Variants in MYO15A observed in about 807,000 individuals in gnomAD.
MYO15A encodes the protein unconventional myosin-XV.
In MYO15A, 308 loss-of-function variants were observed where a neutral mutation model predicts 394.6. That is an observed-to-expected ratio of 0.78 (90% CI 0.71 to 0.86). MYO15A has a LOEUF of 0.86. MYO15A is among the 40% of genes least tolerant of loss of function. MYO15A has a pLI of 0.00. For missense variants in MYO15A, 4,606 were observed against 4,799.1 expected, an observed-to-expected ratio of 0.96 and a Z score of 1.19; for synonymous variants, 1,957 against 2,003.8, an observed-to-expected ratio of 0.98 and a Z score of 0.62.
intron 42 of MYO15A, 71 bp downstream of exon 42, chr17:18,152,255 G>A: frequency 1.4e-6 from 2 of 1,447,270 alleles, no homozygotes; most frequent in Non-Finnish European, 1.9e-6. Context: ...ACAGGTGAGT[G>A]TGTCGGTGGA....
chr17:18,137,821 C>G, intron 16 of MYO15A, 142 bp downstream of exon 16: 1 of 1,059,616 alleles, frequency 9.4e-7, no homozygotes, highest in Non-Finnish European at 1.4e-6. Flanking sequence ...AAGCTGGGGA[C>G]CAGCCCATGG....
Position 18,155,117 on chromosome 17 carries a change from C to A in MYO15A, c.8232C>A (p.Asn2744Lys), listed in dbSNP as rs1461182796. Residue 2744 changes from asparagine to lysine, a missense_variant, in exon 46 of 66, where the codon AAC becomes AAA. Physicochemically the swap from Asn to Lys is moderately conservative, Grantham distance 94 (BLOSUM62 0). Around this residue, in one of 2 missense-constraint regions of MYO15A, gnomAD observed 2,776 missense variants for 3,109.3 expected, o/e 0.89. Transcript: ENST00000647165. ...RLRMKALFAQ[N>K]QLDTQKPLVT... ...AGACCTGGCCTCCCATAGCCCAGAA[C>A]CAGCTGGACACACAGAAGCCTCTGG... 1 of 1,613,414 alleles carries A rather than the reference C, an allele frequency of 6.2e-7. No individual in the cohort carries two copies. The highest frequency in any genetic ancestry group is 1.7e-5 in the Admixed American group (1 of 59,984).
intron 29 of MYO15A, among the ~76,000 whole-genome samples, chr17:18,145,313 CT>C (rs2046456327): frequency 6.6e-6 from 1 of 151,844 alleles, no homozygotes; most frequent in Non-Finnish European, 1.5e-5. Flanking sequence ...GGGGCTAGGG[CT>C]GCATGGGGAG....
rs1323641374 is a variant in MYO15A at position 18,121,106 on chromosome 17, C to T, written c.2306C>T (p.Ala769Val). The stretch of plus-strand genomic sequence containing the variant: ...TCTCCACGGGCGTCGCGGAGGCGAG[C>T]TTGGTCACCGCTGGCCTCGCCCCAG... ...GASPRASRRRAWSPLASPQPS... is the reference protein window; with the variant it reads ...GASPRASRRRVWSPLASPQPS... Residue 769 changes from alanine (A) to valine (V), a missense_variant, in exon 2 of 66, where the codon GCT becomes GTT. Around this residue, in one of 2 missense-constraint regions of MYO15A, gnomAD observed 1,830 missense variants for 1,689.7 expected, o/e 1.08. Coordinates refer to ENST00000647165, the MANE Select transcript of MYO15A (RefSeq NM_016239.4). The surrounding 1 kb of genome is among the most constrained non-coding windows in gnomAD (Gnocchi z 5.3). 1 of 1,503,938 alleles carries T rather than the reference C, an allele frequency of 6.6e-7. No homozygotes were observed. The highest frequency in any genetic ancestry group is 2.1e-5 in the Admixed American group (1 of 48,680). The allele number at this position is 1,503,938 out of a possible 1,614,324, so 93.2% of individuals were successfully genotyped here.
At chr17:18,135,850 G>A (rs765544628) in intron 13 of MYO15A, 26 bp downstream of exon 13, 52 of 1,598,194 alleles carry the variant, frequency 3.3e-5, no homozygotes, top group Non-Finnish European at 3.8e-5. Flanking sequence ...TCTGGCCTTC[G>A]AACAAAGCTT....
chr17:18,126,281 T>C, intron 4 of MYO15A, 66 bp from the exon 5 acceptor site: 3 of 1,277,756 alleles, frequency 2.3e-6, no homozygotes, highest in African/African-American at 1.5e-5. Flanking sequence ...GCTCCCAGCA[T>C]AGGGGAGGGA....
At chr17:18,136,765 C>T (rs1432296355) in intron 15 of MYO15A, 79 bp downstream of exon 15, 4 of 1,517,584 alleles carry the variant, frequency 2.6e-6, no homozygotes, top group Non-Finnish European at 2.7e-6. Context: ...GCTGCCCTTC[C>T]CATCCCTTTC....
chr17:18,172,322 C>A (rs1163209625), intron 64 of MYO15A, 32 bp downstream of exon 64: 2 of 1,613,996 alleles, frequency 1.2e-6, no homozygotes, highest in Non-Finnish European at 1.7e-6. Context: ...CTGCCATCGC[C>A]ACCCTCTGTT....
intron 22 of MYO15A, 131 bp from the exon 23 acceptor site, chr17:18,141,522 A>G: frequency 1.1e-6 from 1 of 890,552 alleles, no homozygotes; most frequent in Admixed American, 1.8e-5. Flanking sequence ...TTCAGATTAG[A>G]ATAAACTATT....
chr17:18,144,648 G>A, intron 29 of MYO15A, 56 bp downstream of exon 29: 1 of 1,552,230 alleles, frequency 6.4e-7, no homozygotes, highest in Non-Finnish European at 8.8e-7. Context: ...CCTGAAACTG[G>A]GCCATGAGGC....
At position 18,120,667 on chromosome 17, in the gene MYO15A, G is replaced by A. The variant is rs1350627694; in HGVS notation, c.1867G>A (p.Gly623Ser). The change falls in exon 2 of 66, where the codon GGC becomes AGC. Residue 623 changes from glycine (G) to serine (S), a missense_variant. Transcript: ENST00000647165. ...KLAGMDPEKPGTPIVLRRAQP... is the reference protein window; with the variant it reads ...KLAGMDPEKPSTPIVLRRAQP... ...GGCTGGCATGGACCCCGAGAAGCCCGGCACGCCCATCGTGCTGAGGAGGGC... is the reference window on the plus strand; with the variant it reads ...GGCTGGCATGGACCCCGAGAAGCCCAGCACGCCCATCGTGCTGAGGAGGGC... 3.3e-5 allele frequency: 52 copies of A among 1,586,108 alleles called. No individual in the cohort carries two copies. The highest frequency in any genetic ancestry group is 4.2e-5 in the Non-Finnish European group (49 of 1,171,238).
At chr17:18,158,480 G>A in intron 51 of MYO15A, 43 bp from the exon 52 acceptor site, 1 of 1,555,424 alleles carries the variant, frequency 6.4e-7, no homozygotes. Flanking sequence ...GGCTAGGCGT[G>A]GTGTGGCCGG....
chr17:18,136,684 G>C lies in MYO15A; in HGVS notation c.4777G>C (p.Glu1593Gln). Residue 1593 changes from glutamate to glutamine, a missense_variant and splice_region_variant, in exon 15 of 66, where the codon GAG (glutamate) becomes CAG (glutamine). By Grantham distance (29) the Glu-to-Gln change is conservative. This residue lies in a region of MYO15A where 2,776 missense variants were observed against 3,109.3 expected (regional missense o/e 0.89). Coordinates refer to ENST00000647165, the MANE Select transcript of MYO15A (RefSeq NM_016239.4). ...SIAILDIYGF[E>Q]DLSFNSFEQL... is the part of the protein sequence containing the mutation. ...CGCCATCCTGGACATCTATGGTTTC[G>C]AGGTGGGGCCGTGTAGGAGGCTGAG... The C allele has an allele frequency of 6.2e-7, 1 of 1,603,166 alleles. No individual in the cohort carries two copies. Among genetic ancestry groups the C allele is most frequent in the Non-Finnish European group, 8.5e-7 (1 of 1,176,634 alleles).
intron 53 of MYO15A, 55 bp from the exon 54 acceptor site, chr17:18,159,220 C>G (rs1019645883): frequency 1.3e-6 from 2 of 1,596,616 alleles, no homozygotes; most frequent in Non-Finnish European, 8.6e-7. Flanking sequence ...AATGTGTCCC[C>G]TTTCTGTTCT....
chr17:18,155,406 G>A lies in MYO15A; in HGVS notation c.8433G>A (p.Gly2811=). ...TCAAGGGTGGCCAGGAGGCCGGCGG[G>A]CAGCTGCGGGTCCTGCGTGCATACA... is the stretch of plus-strand genomic sequence containing the variant. ...RMVKGGQEAG[G]QLRVLRAYSF... Residue 2811 remains glycine (G), a synonymous_variant, in exon 47 of 66, where the codon GGG becomes GGA. Transcript: ENST00000647165. 1 of 1,613,486 alleles carries A rather than the reference G, an allele frequency of 6.2e-7. No individual in the cohort carries two copies. Among genetic ancestry groups the A allele is most frequent in the Non-Finnish European group, 8.5e-7 (1 of 1,180,014 alleles).
At position 18,150,862 on chromosome 17, in the gene MYO15A, G is replaced by C. The variant is rs374624571; in HGVS notation, c.7422G>C (p.Thr2474=). ...LLAREMTLQA[T]ALQQQPLSAA... Reference sequence around the variant, plus strand: ...CCCGGGAGATGACCCTGCAGGCCACGGCACTCCAGCAGCAGCCCCTGAGTG... The same window carrying C: ...CCCGGGAGATGACCCTGCAGGCCACCGCACTCCAGCAGCAGCCCCTGAGTG... The change falls in exon 38 of 66, where the codon ACG becomes ACC. Residue 2474 remains threonine, a synonymous_variant. Coordinates refer to ENST00000647165, the MANE Select transcript of MYO15A (RefSeq NM_016239.4). The surrounding 1 kb of genome is among the most constrained non-coding windows in gnomAD (Gnocchi z 4.4). 3.1e-6 allele frequency: 5 copies of C among 1,597,036 alleles called. No homozygotes were observed. Among genetic ancestry groups the C allele is most frequent in the Non-Finnish European group, 4.3e-6 (5 of 1,172,278 alleles).
Position 18,119,246 on chromosome 17 carries a change from C to T in MYO15A, c.446C>T (p.Ser149Leu), listed in dbSNP as rs746042803. 3 of 1,612,384 alleles carry T rather than the reference C, an allele frequency of 1.9e-6. No homozygotes were observed. The South Asian group carries it at 3.3e-5, about 18-fold the overall frequency. The change falls in exon 2 of 66, where the codon TCG becomes TTG. Residue 149 changes from serine to leucine, a missense_variant. By Grantham distance (145) the Ser-to-Leu change is moderately radical. Transcript: ENST00000647165. The stretch of plus-strand genomic sequence containing the variant: ...TTCCTCCTCAAGAAGGCCGAGGAGT[C>T]GGGCAGCGAACAGGCCACAGTGGAC... The part of the protein sequence containing the change: ...KKFLLKKAEE[S>L]GSEQATVDAW...
chr17:18,132,399 G>A lies in MYO15A; in HGVS notation c.4207-54G>A, dbSNP rs1176136891. On this transcript the variant is annotated intron_variant, in intron 10 of 65. Transcript: ENST00000647165. This position sits in a 1 kb window ranked among gnomAD's most constrained non-coding sequence, Gnocchi z 4.6. ...AGGCTTGGGCTTGTATGTGTGCCTG[G>A]GGGTCACCTAGGTAGGTGGCTCCCT... The A allele has an allele frequency of 7.0e-7, 1 of 1,431,878 alleles. No homozygotes were observed. Among genetic ancestry groups the A allele is most frequent in the Non-Finnish European group, 9.8e-7 (1 of 1,017,288 alleles). The allele number at this position is 1,431,878 out of a possible 1,614,324, so 88.7% of individuals were successfully genotyped here. A position where few individuals can be genotyped will look rare whatever the true frequency, so the allele number is the denominator to read the frequency against.
In MYO15A at chr17:18,155,415, G is replaced by T; in HGVS notation, c.8442G>T (p.Arg2814=). ...KGGQEAGGQL[R]VLRAYSFADI... Reference sequence around the variant, plus strand: ...GCCAGGAGGCCGGCGGGCAGCTGCGGGTCCTGCGTGCATACAGGTGACCAG... The same window carrying T: ...GCCAGGAGGCCGGCGGGCAGCTGCGTGTCCTGCGTGCATACAGGTGACCAG... Residue 2814 remains arginine (R), a synonymous_variant, in exon 47 of 66, where the codon CGG becomes CGT. Transcript: ENST00000647165. The T allele has an allele frequency of 6.2e-7, 1 of 1,613,314 alleles. No homozygotes were observed. The highest frequency in any genetic ancestry group is 8.5e-7 in the Non-Finnish European group (1 of 1,180,002).
Sources: gnomAD v4.1 joint callset for allele counts (sites outside exome capture counted in the v4.1 genomes callset) on GRCh38, gnomAD v4.1.1 for gene constraint, gnomAD v4.1.1 regional missense constraint, Gnocchi (gnomAD v3.1) non-coding constraint, MANE v1.5 for transcripts, NCBI Gene and HGNC (gene_info 2026-07-23, HGNC 2026-07-21) for gene names.